The following TTC28 variants were observed in gnomAD, a reference collection of about 807,000 sequenced individuals.
TTC28 encodes tetratricopeptide repeat domain 28.
Under a neutral mutation model 198.0 loss-of-function variants are expected in TTC28, and 61 were observed. The ratio of observed to expected loss-of-function variants is 0.31; its 90% CI spans 0.25 to 0.38. The LOEUF is 0.38. Ranked by LOEUF, TTC28 falls within the 10% of genes least tolerant of loss-of-function variation. The probability of loss-of-function intolerance (pLI) is 1.00; values close to 1 mark genes in which losing one functional copy is unlikely to be tolerated. For synonymous variants in TTC28, 1,171 were observed against 1,297.8 expected (o/e 0.90, Z 2.10); for missense variants, 2,678 against 3,164.0 (o/e 0.85, Z 3.69).
chr22:28,223,691 G>A (rs1928060107), intron 5 of TTC28, among the ~76,000 whole-genome samples: 1 of 151,892 alleles, frequency 6.6e-6, no homozygotes. Flanking sequence ...AAGTGGCTAG[G>A]TTCAAGATTT....
intron 6 of TTC28, among the ~76,000 whole-genome samples, chr22:28,129,843 C>A (rs1943015681): frequency 6.6e-6 from 1 of 152,220 alleles, no homozygotes; most frequent in East Asian, 1.9e-4. Flanking sequence ...TCACAGGGGA[C>A]CTTGTTAACA....
At chr22:28,576,995 T>G (rs1488985867) in intron 2 of TTC28, among the ~76,000 whole-genome samples, 1 of 152,116 alleles carries the variant, frequency 6.6e-6, no homozygotes. Flanking sequence ...CTTTATTATT[T>G]CTTTTCTTCT....
At chr22:28,221,396 C>T (rs957541449) in intron 5 of TTC28, among the ~76,000 whole-genome samples, 2 of 152,200 alleles carry the variant, frequency 1.3e-5, no homozygotes, top group African/African-American at 4.8e-5. Flanking sequence ...CCCAGGGTTA[C>T]CTTTGCTCCA....
intron 5 of TTC28, among the ~76,000 whole-genome samples, chr22:28,269,883 G>T (rs7288403): frequency 2.0e-5 from 3 of 152,120 alleles, no homozygotes; most frequent in Non-Finnish European, 4.4e-5. Flanking sequence ...GTGAAGGGAA[G>T]AAAGAAGCAC....
At chr22:28,158,260 G>A (rs1030705449) in intron 6 of TTC28, among the ~76,000 whole-genome samples, 6 of 151,784 alleles carry the variant, frequency 4.0e-5, no homozygotes, top group African/African-American at 1.5e-4. Context: ...AAACTGAGGA[G>A]GACACCAAGA....
intron 2 of TTC28, among the ~76,000 whole-genome samples, chr22:28,422,740 C>T (rs1433696345): frequency 2.0e-5 from 3 of 152,112 alleles, no homozygotes; most frequent in Non-Finnish European, 4.4e-5. Flanking sequence ...CCACCGCACC[C>T]AGCCAAATAA....
intron 2 of TTC28, among the ~76,000 whole-genome samples, chr22:28,569,543 T>C (rs1311768648): frequency 2.6e-5 from 4 of 151,538 alleles, no homozygotes; most frequent in Non-Finnish European, 5.9e-5. Flanking sequence ...TTACACCAAA[T>C]ACAAAAATCA....
chr22:28,041,372 T>C (rs1447426708), intron 12 of TTC28, among the ~76,000 whole-genome samples: 2 of 152,212 alleles, frequency 1.3e-5, no homozygotes, highest in Non-Finnish European at 2.9e-5. Context: ...ATGGTGCTGG[T>C]ACCAAAACAG....
intron 5 of TTC28, among the ~76,000 whole-genome samples, chr22:28,203,736 C>G (rs1015720637): frequency 2.0e-5 from 3 of 152,096 alleles, no homozygotes; most frequent in Non-Finnish European, 4.4e-5. Context: ...TTAACACCAT[C>G]TCAGTACAAT....
chr22:28,342,192 T>G (rs955346352), intron 2 of TTC28, among the ~76,000 whole-genome samples: 1 of 152,206 alleles, frequency 6.6e-6, no homozygotes, highest in Non-Finnish European at 1.5e-5. Flanking sequence ...CATTAACATG[T>G]TTCTGTAATG....
intron 11 of TTC28, among the ~76,000 whole-genome samples, chr22:28,095,907 C>A (rs776468254): frequency 1.3e-5 from 2 of 152,208 alleles, no homozygotes; most frequent in Non-Finnish European, 2.9e-5. Context: ...TGCCTACACA[C>A]AGGGCTGCTA....
chr22:28,404,451 A>G (rs1042587720), intron 2 of TTC28, among the ~76,000 whole-genome samples: 1 of 152,162 alleles, frequency 6.6e-6, no homozygotes, highest in African/African-American at 2.4e-5. Context: ...ACACACAAAA[A>G]GCAAACGGTG....
intron 5 of TTC28, among the ~76,000 whole-genome samples, chr22:28,225,365 A>G (rs957155719): frequency 1.2e-5 from 1 of 81,948 alleles, no homozygotes; most frequent in African/African-American, 5.6e-5. Context: ...AAAAAAAAAA[A>G]GAAAAGAAGA....
intron 5 of TTC28, among the ~76,000 whole-genome samples, chr22:28,206,912 C>T (rs765756618): frequency 2.0e-5 from 3 of 152,124 alleles, no homozygotes; most frequent in South Asian, 2.1e-4. Flanking sequence ...CTACTCCGGA[C>T]GGAATCGGGT....
intron 5 of TTC28, among the ~76,000 whole-genome samples, chr22:28,206,828 G>A (rs1926446017): frequency 6.6e-6 from 1 of 152,102 alleles, no homozygotes; most frequent in African/African-American, 2.4e-5. Flanking sequence ...CAGCACTATG[G>A]AAAGAAAGCC....
intron 2 of TTC28, among the ~76,000 whole-genome samples, chr22:28,409,932 T>C (rs1204344079): frequency 1.3e-5 from 2 of 151,982 alleles, no homozygotes; most frequent in Admixed American, 1.3e-4. Flanking sequence ...CTAAGTGTTT[T>C]TTTTTTTGAG....
chr22:28,333,329 A>T (rs1305067435), intron 2 of TTC28, among the ~76,000 whole-genome samples: 2 of 152,110 alleles, frequency 1.3e-5, no homozygotes, highest in African/African-American at 4.8e-5. Flanking sequence ...CCTGAGAATG[A>T]GGGCCTCTTA....
intron 17 of TTC28, 70 bp from the exon 18 acceptor site, chr22:27,993,588 TAC>T: frequency 7.1e-7 from 1 of 1,418,398 alleles, no homozygotes; most frequent in South Asian, 1.4e-5. Context: ...GCTTTGAGGG[TAC>T]ACAAAGCCCC....
At chr22:28,318,034 G>C (rs2045379335) in intron 2 of TTC28, among the ~76,000 whole-genome samples, 1 of 151,774 alleles carries the variant, frequency 6.6e-6, no homozygotes, top group South Asian at 2.1e-4. Flanking sequence ...CTCCCAAGTA[G>C]CTGGGGGTAC....
Sources: allele counts gnomAD v4.1 joint callset (sites outside exome capture counted in the v4.1 genomes callset), GRCh38; gene constraint gnomAD v4.1.1; transcripts MANE v1.5; gene names NCBI Gene and HGNC (gene_info 2026-07-23, HGNC 2026-07-21).